The following DNAI7 variants were observed in gnomAD, a reference collection of about 807,000 sequenced individuals.
DNAI7 encodes cancer susceptibility 1.
DNAI7 carries 78 observed loss-of-function variants against 86.6 expected under a neutral mutation model. The observed-to-expected ratio is 0.90, with a 90% CI of 0.75 to 1.09. The LOEUF (loss-of-function observed/expected upper bound fraction) is 1.09. DNAI7 is among the 50% of genes least tolerant of loss of function. The probability of loss-of-function intolerance (pLI) is 0.00; values close to 1 mark genes in which losing one functional copy is unlikely to be tolerated. For missense variants in DNAI7, 753 were observed against 810.2 expected, an observed-to-expected ratio of 0.93 and a Z score of 0.86; for synonymous variants, 274 against 273.0, an observed-to-expected ratio of 1.00 and a Z score of -0.04.
chr12:25,159,584 T>C (rs1301406836), intron 3 of DNAI7, among the ~76,000 whole-genome samples: 1 of 152,222 alleles, frequency 6.6e-6, no homozygotes, highest in Non-Finnish European at 1.5e-5. Context: ...AGACCTATCA[T>C]GGCAATGAAG....
intron 9 of DNAI7, among the ~76,000 whole-genome samples, chr12:25,131,381 T>C (rs1942904054): frequency 6.6e-6 from 1 of 152,254 alleles, no homozygotes; most frequent in Admixed American, 6.5e-5. Flanking sequence ...TTAGTTCTCC[T>C]GTAGCTGTGA....
intron 9 of DNAI7, 35 bp downstream of exon 9, chr12:25,144,330 G>C (rs538588329): frequency 3.9e-6 from 6 of 1,524,558 alleles, no homozygotes; most frequent in Non-Finnish European, 5.4e-6. Flanking sequence ...CATGCTGCAT[G>C]AATAAAAAAA....
intron 2 of DNAI7, among the ~76,000 whole-genome samples, chr12:25,171,568 T>C (rs1413504384): frequency 1.3e-5 from 2 of 152,164 alleles, no homozygotes; most frequent in Admixed American, 1.3e-4. Flanking sequence ...ACCAATTCTA[T>C]TGACACTATT....
chr12:25,189,892 C>G (rs1055306291), intron 2 of DNAI7, among the ~76,000 whole-genome samples: 10 of 151,530 alleles, frequency 6.6e-5, no homozygotes, highest in African/African-American at 2.4e-4. Context: ...CAATTGTTGC[C>G]TTACAGGACT....
intron 11 of DNAI7, among the ~76,000 whole-genome samples, chr12:25,120,449 G>A (rs1231386997): frequency 6.6e-6 from 1 of 152,110 alleles, no homozygotes; most frequent in Non-Finnish European, 1.5e-5. Flanking sequence ...TCGGCCGGGC[G>A]CGGTGGCTCA....
At chr12:25,127,208 C>G (rs1942268832) in intron 9 of DNAI7, among the ~76,000 whole-genome samples, 1 of 152,204 alleles carries the variant, frequency 6.6e-6, no homozygotes, top group African/African-American at 2.4e-5. Flanking sequence ...GTAATTGCAA[C>G]AGTGTCATCA....
intron 1 of DNAI7, 41 bp from the exon 2 acceptor site, chr12:25,190,672 C>A: frequency 8.3e-7 from 1 of 1,212,114 alleles, no homozygotes; most frequent in South Asian, 1.6e-5. Context: ...ATTTTAAAGA[C>A]AATTCTGATA....
chr12:25,141,838 A>G (rs146827195), intron 9 of DNAI7, among the ~76,000 whole-genome samples: 10 of 22,838 alleles, frequency 4.4e-4, no homozygotes, highest in African/African-American at 5.3e-4. Flanking sequence ...TCAAAAAAAG[A>G]AAAAAAAAAG....
chr12:25,176,601 G>A (rs1409486070), intron 2 of DNAI7, among the ~76,000 whole-genome samples: 1 of 151,596 alleles, frequency 6.6e-6, no homozygotes, highest in East Asian at 1.9e-4. Flanking sequence ...GAGAAACCTG[G>A]TTTATATTTA....
At chr12:25,170,378 G>A (rs57019829) in intron 2 of DNAI7, among the ~76,000 whole-genome samples, 2,982 of 149,204 alleles carry the variant, frequency 0.02, 82 homozygotes, top group African/African-American at 0.07. Flanking sequence ...GCAACAGAGC[G>A]AGACTCCGTC....
chr12:25,108,613 T>C lies in DNAI7; in HGVS notation c.2104A>G (p.Asn702Asp), dbSNP rs753021563. ...CACACAGAGTTGACAAACTGACAGT[T>C]GGAACTCCTGACTTTCTCCATTGCT... ...EEAMEKVRSS[N>D]CQFVNSVCHM... Residue 702 changes from asparagine (N) to aspartate (D), a missense_variant, in exon 16 of 16, where the codon AAC (asparagine) becomes GAC (aspartate). Transcript: ENST00000395987. The C allele has an allele frequency of 6.2e-7, 1 of 1,613,848 alleles. No individual in the cohort carries two copies. The highest frequency in any genetic ancestry group is 2.2e-5 in the East Asian group (1 of 44,872).
chr12:25,154,366 T>C lies in DNAI7; in HGVS notation c.391A>G (p.Asn131Asp). The C allele has an allele frequency of 6.2e-7, 1 of 1,611,436 alleles. No individual in the cohort carries two copies. The highest frequency in any genetic ancestry group is 8.5e-7 in the Non-Finnish European group (1 of 1,179,450). The change falls in exon 6 of 16, where the codon AAT becomes GAT. Residue 131 changes from asparagine (N) to aspartate (D), a missense_variant. Asn to Asp is a conservative substitution (Grantham distance 23). Transcript: ENST00000395987. ...TCAATCACTTCCTCAAAAGTCTCAT[T>C]TGTTTTCTCTTTCCACAAACTAATA... ...TFISLWKEKTNETFEEVIEKS... is the reference protein window; with the variant it reads ...TFISLWKEKTDETFEEVIEKS...
chr12:25,128,358 G>A (rs768935315), intron 9 of DNAI7, among the ~76,000 whole-genome samples: 5 of 152,146 alleles, frequency 3.3e-5, no homozygotes, highest in Non-Finnish European at 4.4e-5. Context: ...ATTATCCTGG[G>A]TCTACTGGTC....
At chr12:25,107,787 T>G (rs770898219), downstream of DNAI7, 7 of 1,595,744 alleles carry the variant, frequency 4.4e-6, no homozygotes, top group Non-Finnish European at 6.0e-6. Context: ...AATTACCGAT[T>G]ACCAAATTCT....
chr12:25,154,582 T>C (rs549296407), intron 5 of DNAI7, 126 bp from the exon 6 acceptor site: 1 of 837,152 alleles, frequency 1.2e-6, no homozygotes, highest in Admixed American at 3.1e-5. Flanking sequence ...ATGATGGCTT[T>C]AACCAGTAAC....
At chr12:25,127,452 A>G (rs927582271) in intron 9 of DNAI7, among the ~76,000 whole-genome samples, 3 of 152,196 alleles carry the variant, frequency 2.0e-5, no homozygotes, top group Non-Finnish European at 4.4e-5. Context: ...TCTTCTAGGT[A>G]AACTTTAATA....
Position 25,121,739 on chromosome 12 carries a change from A to G in DNAI7, c.1239+14T>C, listed in dbSNP as rs760600340. ...TTATTTTACTTATAAGTTTTGATTC[A>G]AGAATCAACCTACTTCCACAATCAT... On this transcript the variant is annotated intron_variant, in intron 11 of 15. Coordinates refer to ENST00000395987, the MANE Select transcript of DNAI7 (RefSeq NM_018272.5). 1 of 1,581,728 alleles carries G rather than the reference A, an allele frequency of 6.3e-7. No homozygotes were observed. Among genetic ancestry groups the G allele is most frequent in the Admixed American group, 1.9e-5 (1 of 51,348 alleles).
chr12:25,134,499 G>A (rs2140673275), intron 9 of DNAI7, among the ~76,000 whole-genome samples: 1 of 151,738 alleles, frequency 6.6e-6, no homozygotes, highest in African/African-American at 2.4e-5. Context: ...TGGGATTACA[G>A]GCACATGCCA....
At chr12:25,126,782 G>A (rs931586913) in intron 9 of DNAI7, among the ~76,000 whole-genome samples, 2 of 152,088 alleles carry the variant, frequency 1.3e-5, no homozygotes, top group African/African-American at 4.8e-5. Flanking sequence ...TTCTTTCAGG[G>A]AGGATTATGA....
Sources: allele counts gnomAD v4.1 joint callset (sites outside exome capture counted in the v4.1 genomes callset), GRCh38; gene constraint gnomAD v4.1.1; transcripts MANE v1.5; gene names NCBI Gene and HGNC (gene_info 2026-07-23, HGNC 2026-07-21).